The following SYNGR1 variants were observed in gnomAD, a reference collection of about 807,000 sequenced individuals.
SYNGR1 encodes the protein synaptogyrin-1.
SYNGR1 carries 14 observed loss-of-function variants against 26.1 expected under a neutral mutation model. The observed-to-expected ratio is 0.54, with a 90% confidence interval of 0.35 to 0.84. The LOEUF (loss-of-function observed/expected upper bound fraction) is 0.84, where lower values mean the gene tolerates loss of function less well. SYNGR1 is among the 40% of genes least tolerant of loss of function. The pLI is 0.01. For synonymous variants in SYNGR1, 141 were observed against 150.1 expected, an observed-to-expected ratio of 0.94 and a Z score of 0.44; for missense variants, 319 against 332.9, an observed-to-expected ratio of 0.96 and a Z score of 0.33.
At chr22:39,356,950 G>C (rs1924172145) in intron 1 of SYNGR1, among the ~76,000 whole-genome samples, 1 of 152,092 alleles carries the variant, frequency 6.6e-6, no homozygotes, top group South Asian at 2.1e-4. Flanking sequence ...CTTTGGATTG[G>C]TCAGTCTTTA....
In SYNGR1 at chr22:39,366,199, A is replaced by AG. The variant is rs1924750530; in HGVS notation, c.100-8117_100-8116insG. Among the ~76,000 whole-genome samples the AG allele has an allele frequency of 2.8e-5, 4 of 144,812 alleles. No individual in the cohort carries two copies. The South Asian group carries it at 9.1e-4, about 33-fold the overall frequency. On this transcript the variant is annotated intron_variant, in intron 1 of 3. Coordinates refer to ENST00000328933, the MANE Select transcript of SYNGR1 (RefSeq NM_004711.5). ...AGGCTGGTCTCAAACCCCTGGGCTC[A>AG]CCCAGGAGTGATCACTCACCCTCAA...
intron 1 of SYNGR1, among the ~76,000 whole-genome samples, chr22:39,370,160 G>A (rs1014028594): frequency 2.0e-5 from 3 of 151,804 alleles, no homozygotes; most frequent in Non-Finnish European, 4.4e-5. Flanking sequence ...GTTTTGAGAC[G>A]GATCTCTGTC....
chr22:39,365,545 G>T (rs1924700323), intron 1 of SYNGR1, among the ~76,000 whole-genome samples: 1 of 152,226 alleles, frequency 6.6e-6, no homozygotes, highest in South Asian at 2.1e-4. Context: ...GAAACCTGAG[G>T]CTTGTGTCGT....
Position 39,359,630 on chromosome 22 carries a change from CAAAAAAAAAAAAA to C in SYNGR1, c.99+9537_99+9549del, listed in dbSNP as rs60500594. ...TGGGCAACAAAGTGAGACTCTGTCT[CAAAAAAAAAAAAA>C]AAAAAAAAAAAAAAAGATGCCCACC... On this transcript the variant is annotated intron_variant, in intron 1 of 3. Coordinates refer to ENST00000328933, the MANE Select transcript of SYNGR1 (RefSeq NM_004711.5). Among the ~76,000 whole-genome samples the C allele has an allele frequency of 7.8e-3, 608 of 78,150 alleles. 5 individuals are homozygous for C. The highest frequency in any genetic ancestry group is 0.013 in the Non-Finnish European group (547 of 40,832). 51.3% of individuals were successfully genotyped at this position (78,150 alleles called of 152,430 possible).
intron 1 of SYNGR1, among the ~76,000 whole-genome samples, chr22:39,356,213 C>T (rs1256845714): frequency 1.5e-5 from 1 of 68,888 alleles, no homozygotes; most frequent in African/African-American, 6.4e-5. Flanking sequence ...CGCCACCACA[C>T]CCGGCTAATT....
chr22:39,357,908 C>G (rs1006841223), intron 1 of SYNGR1, among the ~76,000 whole-genome samples: 1 of 152,238 alleles, frequency 6.6e-6, no homozygotes, highest in Admixed American at 6.5e-5. Flanking sequence ...CTGTGCGGCC[C>G]GAGCCTCCCC....
intron 1 of SYNGR1, among the ~76,000 whole-genome samples, chr22:39,357,213 C>A (rs1020670995): frequency 1.3e-5 from 2 of 152,034 alleles, no homozygotes; most frequent in African/African-American, 2.4e-5. Context: ...TTGCAGTGAG[C>A]CAAGATCCCA....
rs552093263 is a variant in SYNGR1 at position 39,382,742 on chromosome 22, C to T, written c.*828C>T. 448 of 153,200 alleles carry T rather than the reference C, an allele frequency of 2.9e-3. 4 individuals are homozygous for T. The highest frequency in any genetic ancestry group is 9.9e-3 in the South Asian group (48 of 4,846). 9.5% of individuals were successfully genotyped at this position (153,200 alleles called of 1,614,324 possible). A position where few individuals can be genotyped will look rare whatever the true frequency, so the allele number is the denominator to read the frequency against. On this transcript the variant is annotated 3_prime_UTR_variant, in exon 4 of 4. Coordinates refer to ENST00000328933, the MANE Select transcript of SYNGR1 (RefSeq NM_004711.5). Reference sequence around the variant, plus strand: ...CCTCCCCTGGGGACAGCCCCACCTCCGGGTCCCTCCACCCACATCCCCCTG... The same window carrying T: ...CCTCCCCTGGGGACAGCCCCACCTCTGGGTCCCTCCACCCACATCCCCCTG...
chr22:39,364,254 A>G (rs1226720681), intron 1 of SYNGR1: 1 of 1,614,132 alleles, frequency 6.2e-7, no homozygotes, highest in Admixed American at 1.7e-5. Context: ...GCAGCTGGAC[A>G]CAGAGGTCGT....
Position 39,384,060 on chromosome 22 carries a change from G to A in SYNGR1, c.*2146G>A, listed in dbSNP as rs539202324. ...GGGGCAGGTTATCTGTTGGCCTGAA[G>A]AGTGAAACCTGTACCAGGCCAAAGG... On this transcript the variant is annotated 3_prime_UTR_variant, in exon 4 of 4. Transcript: ENST00000328933. 1 of 153,832 alleles carries A rather than the reference G, an allele frequency of 6.5e-6. No homozygotes were observed. The highest frequency in any genetic ancestry group is 1.9e-4 in the East Asian group (1 of 5,348). 9.5% of individuals were successfully genotyped at this position (153,832 alleles called of 1,614,324 possible).
chr22:39,352,616 G>A (rs551171800), intron 1 of SYNGR1, among the ~76,000 whole-genome samples: 9 of 152,092 alleles, frequency 5.9e-5, no homozygotes, highest in Non-Finnish European at 1.0e-4. Context: ...CAGGAGCTGC[G>A]GGGGATGCAG....
At chr22:39,373,839 G>A (rs1050428337) in intron 1 of SYNGR1, among the ~76,000 whole-genome samples, 4 of 152,178 alleles carry the variant, frequency 2.6e-5, no homozygotes, top group African/African-American at 9.7e-5. Context: ...GTAGGGGCCT[G>A]AGACCCCAGA....
At chr22:39,366,651 T>C (rs114318131) in intron 1 of SYNGR1, among the ~76,000 whole-genome samples, 1 of 151,458 alleles carries the variant, frequency 6.6e-6, no homozygotes, top group Non-Finnish European at 1.5e-5. Flanking sequence ...ATCTCAAAAA[T>C]ATATATATAT....
chr22:39,364,575 G>A (rs1484298225), intron 1 of SYNGR1, among the ~76,000 whole-genome samples: 1 of 152,036 alleles, frequency 6.6e-6, no homozygotes, highest in Non-Finnish European at 1.5e-5. Flanking sequence ...TGGGAAGTGG[G>A]TTGTCCCTGA....
chr22:39,373,618 A>G (rs1204598004), intron 1 of SYNGR1, among the ~76,000 whole-genome samples: 1 of 151,744 alleles, frequency 6.6e-6, no homozygotes, highest in Non-Finnish European at 1.5e-5. Context: ...GGTACCTGAG[A>G]CTACAGGCAC....
At chr22:39,362,055 C>A (rs1338104054) in intron 1 of SYNGR1, among the ~76,000 whole-genome samples, 1 of 149,272 alleles carries the variant, frequency 6.7e-6, no homozygotes, top group African/African-American at 2.5e-5. Context: ...ACTATGTTCC[C>A]CAGGCTGGTC....
In SYNGR1 at chr22:39,384,820, G is replaced by A. The variant is rs571905267; in HGVS notation, c.*2906G>A. The A allele has an allele frequency of 5.0e-6, 2 of 399,026 alleles. No individual in the cohort carries two copies. The highest frequency in any genetic ancestry group is 2.5e-4 in the South Asian group (2 of 7,854). 24.7% of individuals were successfully genotyped at this position (399,026 alleles called of 1,614,324 possible). ...AAGTGTAGAGTCGCAAGGACGCTTA[G>A]AGTCGGCAGAGTCTGGGGTAGGGAG... is the stretch of plus-strand genomic sequence containing the variant. On this transcript the variant is annotated 3_prime_UTR_variant, in exon 4 of 4. Transcript: ENST00000328933.
chr22:39,365,065 C>T (rs1165128680), intron 1 of SYNGR1, among the ~76,000 whole-genome samples: 2 of 152,132 alleles, frequency 1.3e-5, no homozygotes, highest in African/African-American at 2.4e-5. Context: ...TGACCTGGGT[C>T]CTCCCTTGGC....
At chr22:39,368,999 C>G (rs937978279) in intron 1 of SYNGR1, among the ~76,000 whole-genome samples, 6 of 152,218 alleles carry the variant, frequency 3.9e-5, no homozygotes, top group African/African-American at 1.4e-4. Context: ...GAGGACCAAT[C>G]TGAGGCTCGG....
Sources: allele counts gnomAD v4.1 joint callset (sites outside exome capture counted in the v4.1 genomes callset), GRCh38; gene constraint gnomAD v4.1.1; transcripts MANE v1.5; gene names NCBI Gene and HGNC (gene_info 2026-07-23, HGNC 2026-07-21).